The following FAM24A variants were observed in gnomAD, a reference collection of about 807,000 sequenced individuals.
FAM24A encodes protein FAM24A.
A neutral mutation model predicts 2.8 loss-of-function variants in FAM24A; 2 were observed. The observed-to-expected ratio is 0.73, with a 90% CI of 0.30 to 2.28. FAM24A has a LOEUF of 2.28. Among genes scored for constraint, FAM24A ranks in the 30% most tolerant of loss-of-function variants. FAM24A has a pLI of 0.12. For synonymous variants in FAM24A, 46 were observed against 47.5 expected (o/e 0.97, Z 0.13); for missense variants, 109 against 132.0 (o/e 0.83, Z 0.85).
Position 122,912,768 on chromosome 10 carries a change from A to G in FAM24A, c.132A>G (p.Ala44=), listed in dbSNP as rs199955463. The G allele has an allele frequency of 6.2e-7, 1 of 1,610,706 alleles. No homozygotes were observed. Among genetic ancestry groups the G allele is most frequent in the African/African-American group, 1.3e-5 (1 of 74,832 alleles). The part of the protein sequence containing the change: ...YFKVAKALKA[A]KDPDAVAVKN... The stretch of plus-strand genomic sequence containing the variant: ...TTGTGTGTCTTTTCTTAAGAGCTGC[A>G]AAGGACCCTGATGCTGTGGCTGTAA... Residue 44 remains alanine, a synonymous_variant, in exon 3 of 3, where the codon GCA becomes GCG. Coordinates refer to ENST00000368894, the MANE Select transcript of FAM24A (RefSeq NM_001029888.3).
intron 1 of FAM24A, 59 bp from the exon 2 acceptor site, chr10:122,911,574 T>C: frequency 6.3e-7 from 1 of 1,599,808 alleles, no homozygotes; most frequent in South Asian, 1.1e-5. Context: ...AACGGAAGGT[T>C]GTTTAGTGGC....
intron 2 of FAM24A, among the ~76,000 whole-genome samples, chr10:122,912,234 GTTCC>G (rs1476609255): frequency 1.3e-5 from 2 of 152,206 alleles, no homozygotes; most frequent in Admixed American, 6.5e-5. Context: ...CTCTCAGAGT[GTTCC>G]TTCATTTATT....
chr10:122,912,124 G>T (rs753958725), intron 2 of FAM24A, among the ~76,000 whole-genome samples: 34 of 152,294 alleles, frequency 2.2e-4, no homozygotes, highest in Admixed American at 2.0e-3. Flanking sequence ...CCTGGGCACC[G>T]TAGGCTGAAG....
intron 2 of FAM24A, 69 bp downstream of exon 2, chr10:122,911,828 G>A (rs989084565): frequency 2.1e-5 from 34 of 1,591,834 alleles, no homozygotes; most frequent in Non-Finnish European, 2.8e-5. Flanking sequence ...ATTTGAGCAA[G>A]GTCATTCCTT....
In FAM24A at chr10:122,911,768, T is replaced by C. The variant is rs2133858245; in HGVS notation, c.125+9T>C. On this transcript the variant is annotated intron_variant, in intron 2 of 2. Transcript: ENST00000368894. ...GTAGCTAAGGCACTAAAGTGAGTCA[T>C]GTGGGGGAAAATGAATTACACCTCC... The C allele has an allele frequency of 1.2e-6, 2 of 1,613,696 alleles. No individual in the cohort carries two copies. The highest frequency in any genetic ancestry group is 4.5e-5 in the East Asian group (2 of 44,864).
rs199856380 is a variant in FAM24A, at chr10:122,911,701, G to A, written c.67G>A (p.Ala23Thr). 1.7e-5 allele frequency: 28 copies of A among 1,614,170 alleles called. No homozygotes were observed. Among genetic ancestry groups the A allele is most frequent in the East Asian group, 1.6e-4 (7 of 44,868 alleles). ...IGIGSSLLVAAMVLLSVVFCL... is the reference protein window; with the variant it reads ...IGIGSSLLVATMVLLSVVFCL... Reference sequence around the variant, plus strand: ...CATCGGAAGCAGCTTACTGGTTGCCGCGATGGTGCTCCTAAGTGTTGTGTT... The same window carrying A: ...CATCGGAAGCAGCTTACTGGTTGCCACGATGGTGCTCCTAAGTGTTGTGTT... Residue 23 changes from alanine (A) to threonine (T), a missense_variant, in exon 2 of 3, where the codon GCG becomes ACG. Ala to Thr is a moderately conservative substitution (Grantham distance 58). Coordinates refer to ENST00000368894, the MANE Select transcript of FAM24A (RefSeq NM_001029888.3).
At chr10:122,911,848 G>A in intron 2 of FAM24A, 89 bp downstream of exon 2, 1 of 1,528,746 alleles carries the variant, frequency 6.5e-7, no homozygotes, top group East Asian at 2.3e-5. Context: ...TTCTGCTGTG[G>A]CCATACCCCT....
intron 2 of FAM24A, among the ~76,000 whole-genome samples, chr10:122,912,429 A>AG (rs1463885262): frequency 6.6e-6 from 1 of 151,992 alleles, no homozygotes; most frequent in African/African-American, 2.4e-5. Flanking sequence ...GTCCATTCTA[A>AG]GGGGTTCACA....
chr10:122,911,806 C>A (rs752516415), intron 2 of FAM24A, 47 bp downstream of exon 2: 1 of 1,608,916 alleles, frequency 6.2e-7, no homozygotes, highest in East Asian at 2.2e-5. Flanking sequence ...AAATGGGATA[C>A]CTGGACTCCC....
In FAM24A at chr10:122,911,766, C is replaced by A; in HGVS notation, c.125+7C>A. 1 of 1,613,872 alleles carries A rather than the reference C, an allele frequency of 6.2e-7. No homozygotes were observed. Among genetic ancestry groups the A allele is most frequent in the South Asian group, 1.1e-5 (1 of 91,022 alleles). ...AAGTAGCTAAGGCACTAAAGTGAGT[C>A]ATGTGGGGGAAAATGAATTACACCT... On this transcript the variant is annotated splice_region_variant and intron_variant, in intron 2 of 2. Transcript: ENST00000368894.
At chr10:122,911,375 C>T (rs1317125818) in intron 1 of FAM24A, among the ~76,000 whole-genome samples, 1 of 152,164 alleles carries the variant, frequency 6.6e-6, no homozygotes, top group Non-Finnish European at 1.5e-5. Flanking sequence ...CACATCATGC[C>T]TGTGAGAGGG....
At position 122,912,813 on chromosome 10, in the gene FAM24A, G is replaced by C. The variant is rs767664848; in HGVS notation, c.177G>C (p.Lys59Asn). 2 of 1,614,116 alleles carry C rather than the reference G, an allele frequency of 1.2e-6. No homozygotes were observed. The highest frequency in any genetic ancestry group is 3.3e-5 in the Admixed American group (2 of 60,014). ...CTGTAAAAAATCACAACCCAGACAA[G>C]GTGTGTTGGGCCACGAACAGCCAGG... ...AVAVKNHNPD[K>N]VCWATNSQAK... Residue 59 changes from lysine to asparagine, a missense_variant, in exon 3 of 3, where the codon AAG becomes AAC. Coordinates refer to ENST00000368894, the MANE Select transcript of FAM24A (RefSeq NM_001029888.3).
chr10:122,911,526 G>T (rs947521421), intron 1 of FAM24A, 107 bp from the exon 2 acceptor site: 110 of 1,487,678 alleles, frequency 7.4e-5, no homozygotes, highest in Non-Finnish European at 9.8e-5. Context: ...AGATTTGCTT[G>T]CAGTTTACAT....
At chr10:122,910,856 C>T (rs1848311927) in intron 1 of FAM24A, 37 bp downstream of exon 1, 1 of 152,202 alleles carries the variant, frequency 6.6e-6, no homozygotes, top group Admixed American at 6.5e-5. Context: ...TTATTCTTCT[C>T]TCCTGGCTCA....
intron 2 of FAM24A, among the ~76,000 whole-genome samples, 173 bp downstream of exon 2, chr10:122,911,932 C>T (rs1455020700): frequency 1.3e-5 from 2 of 152,158 alleles, no homozygotes; most frequent in African/African-American, 4.8e-5. Flanking sequence ...ATCTTTTACC[C>T]TTCTGCCGGG....
At chr10:122,912,051 C>T (rs1848324648) in intron 2 of FAM24A, among the ~76,000 whole-genome samples, 1 of 152,044 alleles carries the variant, frequency 6.6e-6, no homozygotes, top group Non-Finnish European at 1.5e-5. Flanking sequence ...CTTGGCCAAG[C>T]CTCCCTTTGT....
intron 2 of FAM24A, 77 bp from the exon 3 acceptor site, chr10:122,912,685 C>T: frequency 7.0e-7 from 1 of 1,433,324 alleles, no homozygotes; most frequent in South Asian, 1.3e-5. Context: ...CTAAACTTCC[C>T]AGATACCCCC....
chr10:122,912,710 A>G (rs1160307287), intron 2 of FAM24A, 52 bp from the exon 3 acceptor site: 1 of 1,547,034 alleles, frequency 6.5e-7, no homozygotes, highest in Non-Finnish European at 8.8e-7. Context: ...ATTCTAACAA[A>G]TGGACTGAGA....
At chr10:122,911,175 T>C (rs1164277425) in intron 1 of FAM24A, among the ~76,000 whole-genome samples, 3 of 152,220 alleles carry the variant, frequency 2.0e-5, no homozygotes, top group Non-Finnish European at 4.4e-5. Context: ...ACTTACAAAA[T>C]AGATTTTCAT....
Sources: allele counts gnomAD v4.1 joint callset (sites outside exome capture counted in the v4.1 genomes callset), GRCh38; gene constraint gnomAD v4.1.1; transcripts MANE v1.5; gene names NCBI Gene and HGNC (gene_info 2026-07-23, HGNC 2026-07-21).